The following CCDC30 variants were observed in gnomAD, a reference collection of about 807,000 sequenced individuals.
CCDC30 encodes the protein coiled-coil domain-containing protein 30.
A neutral mutation model predicts 100.2 loss-of-function variants in CCDC30; 70 were observed. That is an observed-to-expected ratio of 0.70 (90% CI 0.58 to 0.85). The LOEUF is 0.85. Ranked by LOEUF, CCDC30 falls within the 40% of genes least tolerant of loss-of-function variation. The pLI is 0.00. For missense variants in CCDC30, 652 were observed against 771.2 expected (o/e 0.85, Z 1.83); for synonymous variants, 233 against 269.5 (o/e 0.86, Z 1.33).
chr1:42,625,192 A>G (rs967423617), intron 11 of CCDC30, among the ~76,000 whole-genome samples: 10 of 152,194 alleles, frequency 6.6e-5, no homozygotes, highest in Non-Finnish European at 1.5e-5. Flanking sequence ...AATAGCCACT[A>G]ACGATACTTT....
chr1:42,649,383 A>G (rs1648148687), intron 15 of CCDC30, among the ~76,000 whole-genome samples: 1 of 152,246 alleles, frequency 6.6e-6, no homozygotes, highest in Non-Finnish European at 1.5e-5. Flanking sequence ...CAGAAAAAGC[A>G]TCTGACAAAA....
rs776962477 is a variant in CCDC30 at position 42,642,620 on chromosome 1, T to C, written c.1556+11T>C. ...TTCCATCCAGAGCAGGTAGGTGCCA[T>C]CCTGCCTGGGAGCCAATAAACTCCA... is the stretch of plus-strand genomic sequence containing the variant. On this transcript the variant is annotated intron_variant, in intron 13 of 16. Coordinates refer to ENST00000668663, the Ensembl canonical transcript of CCDC30. The C allele has an allele frequency of 8.4e-6, 13 of 1,556,126 alleles. No individual in the cohort carries two copies. In the South Asian group the frequency reaches 1.6e-4, roughly 20 times the overall value.
chr1:42,584,111 A>G (rs1646021233), intron 9 of CCDC30, among the ~76,000 whole-genome samples: 1 of 152,208 alleles, frequency 6.6e-6, no homozygotes, highest in Non-Finnish European at 1.5e-5. Flanking sequence ...TGCCTGCTCC[A>G]ACCTTCCACC....
intron 6 of CCDC30, chr1:42,556,400 GC>G (rs1312363272): frequency 6.2e-7 from 1 of 1,607,092 alleles, no homozygotes; most frequent in African/African-American, 1.3e-5. Flanking sequence ...TGACAGTGGT[GC>G]CCAGGTAGGT....
chr1:42,460,032 G>A (rs1643368408), upstream of CCDC30: 6 of 1,444,870 alleles, frequency 4.2e-6, no homozygotes, highest in Non-Finnish European at 5.4e-6. Flanking sequence ...TGAAAGAAAG[G>A]GAAAAGGCAG....
intron 6 of CCDC30, among the ~76,000 whole-genome samples, chr1:42,563,127 T>G (rs1645529083): frequency 6.6e-6 from 1 of 152,246 alleles, no homozygotes; most frequent in East Asian, 1.9e-4. Context: ...GAAATATAAA[T>G]CATTCTACTG....
At chr1:42,606,554 CAAG>C (rs990514276) in intron 10 of CCDC30, among the ~76,000 whole-genome samples, 2 of 152,178 alleles carry the variant, frequency 1.3e-5, no homozygotes, top group African/African-American at 4.8e-5. Context: ...TCACATGTTG[CAAG>C]TATCCTCTTA....
At chr1:42,566,205 T>G (rs1570085655) in intron 6 of CCDC30, 91 bp from the exon 11 acceptor site, 1 of 957,364 alleles carries the variant, frequency 1.0e-6, no homozygotes, top group East Asian at 2.6e-5. Flanking sequence ...ATAATCACAT[T>G]CTGACAATTC....
At chr1:42,605,766 C>A (rs1227616783) in intron 10 of CCDC30, among the ~76,000 whole-genome samples, 1 of 152,124 alleles carries the variant, frequency 6.6e-6, no homozygotes, top group African/African-American at 2.4e-5. Flanking sequence ...GGATTACAAG[C>A]ATGAGCCACT....
chr1:42,642,082 CG>C (rs1647476601), intron 12 of CCDC30, among the ~76,000 whole-genome samples: 1 of 151,628 alleles, frequency 6.6e-6, no homozygotes, highest in Non-Finnish European at 1.5e-5. Flanking sequence ...AAAACTTAGC[CG>C]GGCGTAGTGG....
intron 1 of CCDC30, 125 bp downstream of exon 1, chr1:42,464,023 T>C (rs1483684464): frequency 6.6e-6 from 1 of 152,294 alleles, no homozygotes; most frequent in Non-Finnish European, 1.5e-5. Flanking sequence ...CTGCACATTA[T>C]TGAATGTCCA....
chr1:42,552,823 C>T (rs1009446629), intron 6 of CCDC30, among the ~76,000 whole-genome samples: 5 of 152,080 alleles, frequency 3.3e-5, no homozygotes, highest in African/African-American at 4.8e-5. Context: ...CCTCTGACAC[C>T]GCCCCAGTGG....
intron 15 of CCDC30, among the ~76,000 whole-genome samples, chr1:42,649,210 C>T (rs1648133893): frequency 6.6e-6 from 1 of 152,018 alleles, no homozygotes; most frequent in African/African-American, 2.4e-5. Context: ...CCAGCATTAC[C>T]CAGATGCCAA....
At chr1:42,570,102 G>A (rs111633575) in intron 7 of CCDC30, among the ~76,000 whole-genome samples, 20,630 of 152,112 alleles carry the variant, frequency 0.14, 1,534 homozygotes, top group East Asian at 0.17. Flanking sequence ...TTCTGCACAT[G>A]TATCCCAGAA....
At chr1:42,636,206 G>C (rs554623510) in intron 11 of CCDC30, among the ~76,000 whole-genome samples, 1 of 151,798 alleles carries the variant, frequency 6.6e-6, no homozygotes, top group African/African-American at 2.4e-5. Context: ...GATAGTTTGA[G>C]GCAGAGTTTA....
chr1:42,627,300 C>G (rs1256159263), intron 11 of CCDC30, among the ~76,000 whole-genome samples: 1 of 152,104 alleles, frequency 6.6e-6, no homozygotes, highest in African/African-American at 2.4e-5. Flanking sequence ...GAAGAAACCT[C>G]TAAACAGCAA....
intron 3 of CCDC30, among the ~76,000 whole-genome samples, chr1:42,488,481 G>A (rs759267229): frequency 6.6e-6 from 1 of 152,000 alleles, no homozygotes; most frequent in Non-Finnish European, 1.5e-5. Flanking sequence ...AGTTGGCTAA[G>A]TTTTAAATCT....
intron 1 of CCDC30, among the ~76,000 whole-genome samples, chr1:42,464,903 A>C (rs1643519421): frequency 2.0e-5 from 3 of 152,212 alleles, no homozygotes; most frequent in Admixed American, 2.0e-4. Context: ...TCAAGTTTTT[A>C]AATACTGAGA....
chr1:42,490,491 A>G (rs927135846), intron 4 of CCDC30, among the ~76,000 whole-genome samples: 1 of 151,232 alleles, frequency 6.6e-6, no homozygotes, highest in Non-Finnish European at 1.5e-5. Context: ...AATAATATTT[A>G]GGAATTAAAA....
Sources: allele counts gnomAD v4.1 joint callset (sites outside exome capture counted in the v4.1 genomes callset), GRCh38; gene constraint gnomAD v4.1.1; transcripts MANE v1.5; gene names NCBI Gene and HGNC (gene_info 2026-07-23, HGNC 2026-07-21).